Variants in TMEM117 observed in about 807,000 individuals in gnomAD.
The protein encoded by TMEM117 is transmembrane protein 117.
TMEM117 carries 27 observed loss-of-function variants against 52.4 expected under a neutral mutation model. That is an observed-to-expected ratio of 0.51 (90% CI 0.38 to 0.71). TMEM117 has a LOEUF of 0.71. Among genes scored for constraint, TMEM117 ranks in the 30% least tolerant of loss-of-function variants. The probability of loss-of-function intolerance (pLI) is 0.00; values close to 1 mark genes in which losing one functional copy is unlikely to be tolerated. For synonymous variants in TMEM117, 215 were observed against 206.3 expected, an observed-to-expected ratio of 1.04 and a Z score of -0.36; for missense variants, 556 against 630.5, an observed-to-expected ratio of 0.88 and a Z score of 1.26.
In TMEM117 at chr12:44,040,437, T is replaced by C. The variant is rs550873095; in HGVS notation, c.410+96095T>C. Among the ~76,000 whole-genome samples the C allele has an allele frequency of 3.3e-5, 5 of 152,304 alleles. No homozygotes were observed. In the East Asian group the frequency reaches 9.6e-4, roughly 29 times the overall value. On this transcript the variant is annotated intron_variant, in intron 3 of 7. Coordinates refer to ENST00000266534, the MANE Select transcript of TMEM117 (RefSeq NM_032256.3). The stretch of plus-strand genomic sequence containing the variant: ...AATATATTTCCTTATATAAGCTTTC[T>C]AACAATTTCTTCTTGATTTATAGGA...
chr12:44,267,371 T>C (rs1445744377), intron 5 of TMEM117, among the ~76,000 whole-genome samples: 1 of 152,094 alleles, frequency 6.6e-6, no homozygotes, highest in Non-Finnish European at 1.5e-5. Flanking sequence ...TAAGGTATGA[T>C]TGACATACAA....
intron 4 of TMEM117, among the ~76,000 whole-genome samples, chr12:44,186,601 T>G (rs1393695024): frequency 6.6e-6 from 1 of 152,126 alleles, no homozygotes; most frequent in Non-Finnish European, 1.5e-5. Flanking sequence ...GCAAGGAGCA[T>G]ATGTTTAAAA....
At position 43,967,590 on chromosome 12, in the gene TMEM117, C is replaced by A. The variant is rs943402328; in HGVS notation, c.410+23248C>A. On this transcript the variant is annotated intron_variant, in intron 3 of 7. Coordinates refer to ENST00000266534, the MANE Select transcript of TMEM117 (RefSeq NM_032256.3). ...TCTCCAGATAATAGCCAGGAAGGAC[C>A]TGAGGCCTGCCAACAACCTCATGAG... is the stretch of plus-strand genomic sequence containing the variant. Among the ~76,000 whole-genome samples the A allele has an allele frequency of 5.9e-5, 9 of 152,266 alleles. No individual in the cohort carries two copies. In the South Asian group the frequency reaches 1.9e-3, roughly 32 times the overall value.
At chr12:44,318,742 G>A (rs1358767981) in intron 6 of TMEM117, among the ~76,000 whole-genome samples, 1 of 152,126 alleles carries the variant, frequency 6.6e-6, no homozygotes, top group Non-Finnish European at 1.5e-5. Context: ...ATCCAGGAGA[G>A]TGGGTGCTCT....
At chr12:44,045,116 C>T (rs2137908206) in intron 3 of TMEM117, among the ~76,000 whole-genome samples, 1 of 152,302 alleles carries the variant, frequency 6.6e-6, no homozygotes, top group Middle Eastern at 3.4e-3. Context: ...GTGGACACCA[C>T]TCAACCTCTT....
intron 2 of TMEM117, among the ~76,000 whole-genome samples, chr12:43,899,029 G>A (rs1944260347): frequency 1.3e-5 from 2 of 152,194 alleles, no homozygotes; most frequent in Admixed American, 6.5e-5. Context: ...AAGTGTTAAG[G>A]CAAGATCAGA....
intron 3 of TMEM117, among the ~76,000 whole-genome samples, chr12:44,027,199 A>ATTTTAGTTTAGTTTAGTTTATTTT (rs1199295546): frequency 8.8e-6 from 1 of 113,838 alleles, no homozygotes; most frequent in African/African-American, 3.7e-5. Flanking sequence ...ATTTTATTTT[A>ATTTTAGTTTAGTTTAGTTTATTTT]ATTAGAGATG....
chr12:43,979,602 C>T (rs1945726792), intron 3 of TMEM117, among the ~76,000 whole-genome samples: 1 of 152,100 alleles, frequency 6.6e-6, no homozygotes, highest in Non-Finnish European at 1.5e-5. Flanking sequence ...ATAGGCCAAT[C>T]TTGAGGAATC....
intron 4 of TMEM117, among the ~76,000 whole-genome samples, chr12:44,161,765 G>A (rs147074104): frequency 3.5e-4 from 54 of 152,128 alleles, no homozygotes; most frequent in African/African-American, 1.2e-3. Context: ...TTGTCCTATT[G>A]TGCTTATTCC....
intron 5 of TMEM117, among the ~76,000 whole-genome samples, chr12:44,288,173 C>T (rs1950660094): frequency 6.6e-6 from 1 of 152,152 alleles, no homozygotes; most frequent in Admixed American, 6.5e-5. Context: ...AATACATTTG[C>T]ATCTGCAGTT....
the TMEM117 span, among the ~76,000 whole-genome samples, chr12:43,795,927 T>C: frequency 1.4e-4 from 22 of 152,218 alleles, no homozygotes; most frequent in Non-Finnish European, 2.8e-4. Context: ...AATGAGTTAC[T>C]TGAATATATA....
At chr12:43,963,627 T>C (rs901260869) in intron 3 of TMEM117, among the ~76,000 whole-genome samples, 6 of 152,198 alleles carry the variant, frequency 3.9e-5, no homozygotes, top group African/African-American at 1.4e-4. Context: ...AAGTAGGACA[T>C]TGACACATTT....
At chr12:43,999,865 C>T (rs1946089515) in intron 3 of TMEM117, among the ~76,000 whole-genome samples, 1 of 152,150 alleles carries the variant, frequency 6.6e-6, no homozygotes, top group African/African-American at 2.4e-5. Flanking sequence ...AAGCTTGGCT[C>T]ACCACCAATT....
chr12:43,810,172 T>G, the TMEM117 span, among the ~76,000 whole-genome samples: 1 of 152,176 alleles, frequency 6.6e-6, no homozygotes, highest in East Asian at 1.9e-4. Context: ...GATGTATTAT[T>G]TATAGTGAGA....
intron 2 of TMEM117, among the ~76,000 whole-genome samples, chr12:43,936,371 G>A (rs898677336): frequency 6.6e-6 from 1 of 152,210 alleles, no homozygotes; most frequent in Non-Finnish European, 1.5e-5. Context: ...TGTTGGGGCA[G>A]AGGGTAGGGA....
chr12:44,161,740 T>G (rs1243230448), intron 4 of TMEM117, among the ~76,000 whole-genome samples: 1 of 152,154 alleles, frequency 6.6e-6, no homozygotes, highest in Non-Finnish European at 1.5e-5. Flanking sequence ...AATTTTGTTT[T>G]GGTATTTCAG....
intron 3 of TMEM117, among the ~76,000 whole-genome samples, chr12:44,002,164 A>T (rs1273444438): frequency 2.6e-5 from 4 of 152,224 alleles, no homozygotes; most frequent in Non-Finnish European, 2.9e-5. Flanking sequence ...GACTTATAGG[A>T]GACAGCCAAG....
intron 4 of TMEM117, among the ~76,000 whole-genome samples, chr12:44,206,448 G>A (rs1014769152): frequency 1.3e-5 from 2 of 152,088 alleles, no homozygotes; most frequent in Non-Finnish European, 2.9e-5. Flanking sequence ...CAGATTTGGG[G>A]GCCTGTTCCC....
chr12:44,255,450 A>G (rs1950249026), intron 5 of TMEM117, among the ~76,000 whole-genome samples: 1 of 152,194 alleles, frequency 6.6e-6, no homozygotes, highest in African/African-American at 2.4e-5. Flanking sequence ...GATTTATAAT[A>G]CTGACATATA....
Sources: gnomAD v4.1 joint callset for allele counts (sites outside exome capture counted in the v4.1 genomes callset) on GRCh38, gnomAD v4.1.1 for gene constraint, MANE v1.5 for transcripts, NCBI Gene and HGNC (gene_info 2026-07-23, HGNC 2026-07-21) for gene names.